The following ARMC9 variants were observed in gnomAD, a reference collection of about 807,000 sequenced individuals.
ARMC9 encodes the protein lisH domain-containing protein ARMC9.
ARMC9 carries 94 observed loss-of-function variants against 107.0 expected under a neutral mutation model. The ratio of observed to expected loss-of-function variants is 0.88; its 90% CI spans 0.74 to 1.04. The LOEUF is 1.04. Ranked by LOEUF, ARMC9 falls within the 50% of genes least tolerant of loss-of-function variation. ARMC9 has a pLI of 0.00. For missense variants in ARMC9, 942 were observed against 1,030.1 expected, an observed-to-expected ratio of 0.91 and a Z score of 1.17; for synonymous variants, 380 against 396.9, an observed-to-expected ratio of 0.96 and a Z score of 0.51.
intron 8 of ARMC9, among the ~76,000 whole-genome samples, chr2:231,236,347 T>A (rs548499201): frequency 6.6e-6 from 1 of 152,360 alleles, no homozygotes; most frequent in South Asian, 2.1e-4. Context: ...CTTTTTTTTC[T>A]TAGTACATTG....
chr2:231,198,935 G>C (rs966929687), intron 1 of ARMC9: 1 of 152,306 alleles, frequency 6.6e-6, no homozygotes, highest in African/African-American at 2.4e-5. Flanking sequence ...AGGCCCAGCT[G>C]CTTCCCGCAA....
At chr2:231,311,319 T>A (rs539171283) in intron 19 of ARMC9, among the ~76,000 whole-genome samples, 4 of 151,348 alleles carry the variant, frequency 2.6e-5, no homozygotes, top group African/African-American at 9.7e-5. Context: ...CTATTCACAC[T>A]ACCTTTTATT....
chr2:231,315,781 A>G (rs891187384), intron 19 of ARMC9, among the ~76,000 whole-genome samples: 2 of 152,156 alleles, frequency 1.3e-5, no homozygotes, highest in Admixed American at 6.5e-5. Flanking sequence ...GCCATTTGCT[A>G]TCAGTGTTCT....
At chr2:231,203,488 C>T (rs2031420127) in intron 1 of ARMC9, among the ~76,000 whole-genome samples, 1 of 152,220 alleles carries the variant, frequency 6.6e-6, no homozygotes, top group Admixed American at 6.5e-5. Context: ...ACTCATCTCC[C>T]TCTTCCCACT....
At chr2:231,217,194 C>A (rs989919506) in intron 5 of ARMC9, among the ~76,000 whole-genome samples, 1 of 152,122 alleles carries the variant, frequency 6.6e-6, no homozygotes, top group Non-Finnish European at 1.5e-5. Context: ...AATCTTAAGC[C>A]AGATACAAGA....
intron 21 of ARMC9, among the ~76,000 whole-genome samples, chr2:231,349,569 G>A (rs1314159777): frequency 6.6e-6 from 1 of 152,072 alleles, no homozygotes; most frequent in Non-Finnish European, 1.5e-5. Flanking sequence ...ATCACTTAAG[G>A]TCAGGAGTTC....
chr2:231,253,924 G>A (rs1375576853), intron 9 of ARMC9, among the ~76,000 whole-genome samples: 1 of 152,194 alleles, frequency 6.6e-6, no homozygotes, highest in Non-Finnish European at 1.5e-5. Context: ...TTCCACCTTA[G>A]TGTTCACATT....
chr2:231,310,433 G>T (rs1447343666), intron 19 of ARMC9, among the ~76,000 whole-genome samples: 1 of 104,138 alleles, frequency 9.6e-6, no homozygotes, highest in South Asian at 2.9e-4. Context: ...AAAAAAAAAA[G>T]GTAAAGTTAA....
At chr2:231,309,504 T>C (rs1259509587) in intron 19 of ARMC9, among the ~76,000 whole-genome samples, 1 of 152,186 alleles carries the variant, frequency 6.6e-6, no homozygotes, top group Non-Finnish European at 1.5e-5. Flanking sequence ...ACAATATTTA[T>C]TTAATAAATA....
At position 231,353,980 on chromosome 2, in the gene ARMC9, TACACACACAC is replaced by T. The variant is rs35433958; in HGVS notation, c.1995-1791_1995-1782del. On this transcript the variant is annotated intron_variant, in intron 21 of 24. Transcript: ENST00000611582. ...TAACAATGCAGCATATATGTATATA[TACACACACAC>T]ACACACACACACACACACACACACA... Among the ~76,000 whole-genome samples the T allele has an allele frequency of 4.7e-3, 632 of 135,374 alleles. 5 individuals carry two copies. Among genetic ancestry groups the T allele is most frequent in the African/African-American group, 0.015 (479 of 32,050 alleles). The allele number at this position is 135,374 out of a possible 152,430, so 88.8% of individuals were successfully genotyped here. A position where few individuals can be genotyped will look rare whatever the true frequency, so the allele number is the denominator to read the frequency against.
chr2:231,232,867 T>A (rs1222175019), intron 7 of ARMC9, among the ~76,000 whole-genome samples: 1 of 152,148 alleles, frequency 6.6e-6, no homozygotes, highest in East Asian at 1.9e-4. Context: ...TTATTTATTT[T>A]TGAGACAGAG....
At chr2:231,366,911 C>T (rs1416594462) in intron 23 of ARMC9, among the ~76,000 whole-genome samples, 4 of 149,662 alleles carry the variant, frequency 2.7e-5, no homozygotes, top group African/African-American at 2.5e-5. Context: ...AGTGCAGTGG[C>T]GCAATCTCGG....
At chr2:231,366,194 C>A (rs2045810839) in intron 23 of ARMC9, among the ~76,000 whole-genome samples, 1 of 152,142 alleles carries the variant, frequency 6.6e-6, no homozygotes. Flanking sequence ...TTGGCAGAAC[C>A]CCTTCTTGCT....
intron 9 of ARMC9, 128 bp downstream of exon 9, chr2:231,240,169 A>G (rs1427660084): frequency 3.9e-6 from 3 of 778,128 alleles, no homozygotes; most frequent in East Asian, 5.4e-5. Flanking sequence ...TTTGAAGTCT[A>G]GAAACTCCTA....
At chr2:231,335,886 G>A (rs1038136622) in intron 20 of ARMC9, among the ~76,000 whole-genome samples, 10 of 152,048 alleles carry the variant, frequency 6.6e-5, no homozygotes, top group South Asian at 2.1e-4. Context: ...GACCAGCCTG[G>A]GCAATGTAGG....
At chr2:231,339,215 C>G (rs1391864392) in intron 20 of ARMC9, among the ~76,000 whole-genome samples, 1 of 151,974 alleles carries the variant, frequency 6.6e-6, no homozygotes, top group South Asian at 2.1e-4. Flanking sequence ...GTAATCCCAG[C>G]TACTCAGGAG....
intron 7 of ARMC9, among the ~76,000 whole-genome samples, chr2:231,228,110 A>C (rs552001982): frequency 1.3e-3 from 193 of 152,306 alleles, no homozygotes; most frequent in African/African-American, 4.2e-3. Flanking sequence ...AGGCCTGGCC[A>C]CGGTGCGTCC....
At chr2:231,347,551 G>C (rs1016791784) in intron 21 of ARMC9, among the ~76,000 whole-genome samples, 5 of 152,160 alleles carry the variant, frequency 3.3e-5, no homozygotes, top group African/African-American at 1.2e-4. Context: ...TTGAATGCTG[G>C]GGGTCTTAGA....
chr2:231,218,233 T>C (rs187799985), intron 5 of ARMC9, among the ~76,000 whole-genome samples: 1 of 152,210 alleles, frequency 6.6e-6, no homozygotes, highest in Non-Finnish European at 1.5e-5. Flanking sequence ...TGTTTTTTCT[T>C]GATCATTCTA....
Sources: gnomAD v4.1 joint callset for allele counts (sites outside exome capture counted in the v4.1 genomes callset) on GRCh38, gnomAD v4.1.1 for gene constraint, MANE v1.5 for transcripts, NCBI Gene and HGNC (gene_info 2026-07-23, HGNC 2026-07-21) for gene names.